The following UBE2E2 variants were observed in gnomAD, a reference collection of about 807,000 sequenced individuals.
UBE2E2 encodes ubiquitin-conjugating enzyme E2 E2.
A neutral mutation model predicts 24.7 loss-of-function variants in UBE2E2; 6 were observed. The observed-to-expected ratio is 0.24, with a 90% CI of 0.13 to 0.48. The LOEUF (loss-of-function observed/expected upper bound fraction) is 0.48. Ranked by LOEUF, UBE2E2 falls within the 20% of genes least tolerant of loss-of-function variation. UBE2E2 has a pLI of 0.99. For missense variants in UBE2E2, 169 were observed against 245.0 expected (o/e 0.69, Z 2.07); for synonymous variants, 104 against 83.6 (o/e 1.24, Z -1.33).
chr3:23,349,663 C>T (rs1695670772), intron 3 of UBE2E2, among the ~76,000 whole-genome samples: 1 of 152,230 alleles, frequency 6.6e-6, no homozygotes, highest in Non-Finnish European at 1.5e-5. Flanking sequence ...AACTGCGAGG[C>T]AGCAGCGAGG....
At position 23,296,283 on chromosome 3, in the gene UBE2E2, C is replaced by G. The variant is rs79326630; in HGVS notation, c.227+78971C>G. Among the ~76,000 whole-genome samples the G allele has an allele frequency of 2.2e-3, 331 of 152,154 alleles. 2 individuals are homozygous for G. Among genetic ancestry groups the G allele is most frequent in the African/African-American group, 7.6e-3 (317 of 41,522 alleles). ...TATTTCCAGTCACAAAAAAATATTT[C>G]ACTACTTTAGTGTTTCTTTTTTCTT... On this transcript the variant is annotated intron_variant, in intron 3 of 5. Transcript: ENST00000396703.
intron 3 of UBE2E2, among the ~76,000 whole-genome samples, chr3:23,413,730 C>T (rs980347966): frequency 6.6e-6 from 1 of 152,094 alleles, no homozygotes; most frequent in Non-Finnish European, 1.5e-5. Context: ...GAGTAATTGC[C>T]TGTATTTTGT....
chr3:23,443,531 T>C (rs1698351765), intron 3 of UBE2E2, among the ~76,000 whole-genome samples: 1 of 152,170 alleles, frequency 6.6e-6, no homozygotes, highest in Non-Finnish European at 1.5e-5. Context: ...CTGTCTCCCA[T>C]TGGCCAAAGA....
Position 23,283,912 on chromosome 3 carries a change from T to C in UBE2E2, c.227+66600T>C, listed in dbSNP as rs142727061. The stretch of plus-strand genomic sequence containing the variant: ...TAAAAGGCCCTGTCCTTGATTCTGA[T>C]ATGTGCACAAGTTTGAGAACCACTG... On this transcript the variant is annotated intron_variant, in intron 3 of 5. Coordinates refer to ENST00000396703, the MANE Select transcript of UBE2E2 (RefSeq NM_152653.4). Among the ~76,000 whole-genome samples the C allele has an allele frequency of 2.6e-3, 390 of 152,282 alleles. 3 individuals carry two copies. Among genetic ancestry groups the C allele is most frequent in the African/African-American group, 8.4e-3 (349 of 41,556 alleles).
intron 3 of UBE2E2, among the ~76,000 whole-genome samples, chr3:23,398,323 AC>A (rs67580963): frequency 2.6e-5 from 4 of 151,216 alleles, no homozygotes; most frequent in Non-Finnish European, 4.4e-5. Context: ...AAAAAAAAAA[AC>A]AAAAAAAAAC....
chr3:23,404,872 A>T (rs1697318258), intron 3 of UBE2E2, among the ~76,000 whole-genome samples: 1 of 152,248 alleles, frequency 6.6e-6, no homozygotes, highest in South Asian at 2.1e-4. Flanking sequence ...TTATGCAGTT[A>T]CAAGTATATT....
chr3:23,573,526 T>C (rs1194837424), intron 5 of UBE2E2, among the ~76,000 whole-genome samples: 1 of 152,192 alleles, frequency 6.6e-6, no homozygotes, highest in African/African-American at 2.4e-5. Flanking sequence ...AAACAGCCAG[T>C]ATTAAAATCA....
chr3:23,464,450 T>G (rs2125428285), intron 3 of UBE2E2, among the ~76,000 whole-genome samples: 1 of 152,234 alleles, frequency 6.6e-6, no homozygotes, highest in Non-Finnish European at 1.5e-5. Flanking sequence ...TTTTAGGACC[T>G]TCCAAATACA....
intron 3 of UBE2E2, among the ~76,000 whole-genome samples, chr3:23,276,574 C>T (rs1386884971): frequency 6.6e-6 from 1 of 152,002 alleles, no homozygotes; most frequent in Non-Finnish European, 1.5e-5. Flanking sequence ...AGAGTGAGAT[C>T]CTGATGCAGA....
intron 3 of UBE2E2, among the ~76,000 whole-genome samples, chr3:23,370,614 A>G (rs1481406523): frequency 6.6e-6 from 1 of 152,212 alleles, no homozygotes; most frequent in Non-Finnish European, 1.5e-5. Context: ...AGAAGAATGG[A>G]TGAATGTTAT....
In UBE2E2 at chr3:23,234,304, G is replaced by A. The variant is rs1036927556; in HGVS notation, c.227+16992G>A. ...CAAACTGAGTGCAGCTTTGTAATCA[G>A]CCAGCTGGGGACTCCTGACTGGACT... is the stretch of plus-strand genomic sequence containing the variant. On this transcript the variant is annotated intron_variant, in intron 3 of 5. Transcript: ENST00000396703. Among the ~76,000 whole-genome samples, 6 of 152,050 alleles carry A rather than the reference G, an allele frequency of 3.9e-5. No individual in the cohort carries two copies. The South Asian group carries it at 1.2e-3, about 32-fold the overall frequency.
At chr3:23,212,701 C>T (rs944681159) in intron 2 of UBE2E2, among the ~76,000 whole-genome samples, 1 of 152,044 alleles carries the variant, frequency 6.6e-6, no homozygotes, top group Non-Finnish European at 1.5e-5. Context: ...TTGTTTTCCA[C>T]ATGAGAATGA....
At chr3:23,528,268 A>T (rs899388372) in intron 4 of UBE2E2, among the ~76,000 whole-genome samples, 1 of 152,236 alleles carries the variant, frequency 6.6e-6, no homozygotes, top group African/African-American at 2.4e-5. Flanking sequence ...TCAGTGGGTA[A>T]ATGGGTAAAC....
chr3:23,397,551 C>G (rs1054502260), intron 3 of UBE2E2, among the ~76,000 whole-genome samples: 1 of 152,166 alleles, frequency 6.6e-6, no homozygotes, highest in African/African-American at 2.4e-5. Context: ...TTCTTTTCTC[C>G]CATAGGTAAC....
chr3:23,283,767 C>G (rs567257085), intron 3 of UBE2E2, among the ~76,000 whole-genome samples: 2 of 152,084 alleles, frequency 1.3e-5, no homozygotes, highest in African/African-American at 2.4e-5. Context: ...CAAAACAAAA[C>G]AAAGCCTTCT....
chr3:23,289,799 A>G (rs1050174054), intron 3 of UBE2E2, among the ~76,000 whole-genome samples: 1 of 152,244 alleles, frequency 6.6e-6, no homozygotes, highest in Non-Finnish European at 1.5e-5. Flanking sequence ...TACCAGTGAC[A>G]TTACATTAAA....
intron 4 of UBE2E2, among the ~76,000 whole-genome samples, chr3:23,510,383 G>T (rs1394833558): frequency 1.3e-5 from 2 of 152,114 alleles, no homozygotes; most frequent in Non-Finnish European, 2.9e-5. Flanking sequence ...AAGGTGGGTG[G>T]ATCAGTTGAG....
At chr3:23,394,816 C>A (rs1697035942) in intron 3 of UBE2E2, among the ~76,000 whole-genome samples, 1 of 151,822 alleles carries the variant, frequency 6.6e-6, no homozygotes, top group Admixed American at 6.6e-5. Flanking sequence ...AGGTGTTCTA[C>A]CTTTGAATAG....
intron 3 of UBE2E2, among the ~76,000 whole-genome samples, chr3:23,298,771 A>C (rs1190379533): frequency 5.3e-5 from 8 of 151,876 alleles, no homozygotes; most frequent in South Asian, 2.1e-4. Flanking sequence ...TGTCTCTGCC[A>C]GGCTTTGGTA....
Sources: gnomAD v4.1 joint callset for allele counts (sites outside exome capture counted in the v4.1 genomes callset) on GRCh38, gnomAD v4.1.1 for gene constraint, MANE v1.5 for transcripts, NCBI Gene and HGNC (gene_info 2026-07-23, HGNC 2026-07-21) for gene names.